Variants in SKAP1 observed in about 807,000 individuals in gnomAD.
SKAP1 encodes the protein src kinase-associated phosphoprotein 1.
In SKAP1, 44 loss-of-function variants were observed where a neutral mutation model predicts 58.5. That is an observed-to-expected ratio of 0.75 (90% CI 0.59 to 0.97). SKAP1 has a LOEUF of 0.97. Ranked by LOEUF, SKAP1 falls within the 50% of genes least tolerant of loss-of-function variation. The probability of loss-of-function intolerance (pLI) is 0.00; values close to 1 mark genes in which losing one functional copy is unlikely to be tolerated. For missense variants in SKAP1, 390 were observed against 435.2 expected, an observed-to-expected ratio of 0.90 and a Z score of 0.92; for synonymous variants, 127 against 149.7, an observed-to-expected ratio of 0.85 and a Z score of 1.11.
chr17:48,430,316 C>T (rs1254894632), upstream of SKAP1: 3 of 279,126 alleles, frequency 1.1e-5, no homozygotes, highest in Non-Finnish European at 2.0e-5. Context: ...GGGACCGGAA[C>T]GGGGCGCGGG....
chr17:48,222,042 C>A (rs889805773), intron 4 of SKAP1, among the ~76,000 whole-genome samples: 5 of 152,176 alleles, frequency 3.3e-5, no homozygotes, highest in Non-Finnish European at 5.9e-5. Context: ...TAAGCCCAGT[C>A]AACCACAACA....
chr17:48,234,396 C>T (rs917923555), intron 4 of SKAP1, among the ~76,000 whole-genome samples: 9 of 152,144 alleles, frequency 5.9e-5, no homozygotes, highest in African/African-American at 2.2e-4. Flanking sequence ...CTTATATATG[C>T]TAATGATTAT....
intron 1 of SKAP1, among the ~76,000 whole-genome samples, chr17:48,413,936 GA>G (rs2067700336): frequency 6.6e-6 from 1 of 152,138 alleles, no homozygotes; most frequent in South Asian, 2.1e-4. Flanking sequence ...ACTAGGGAGT[GA>G]ACAATACCGC....
At chr17:48,169,517 A>G (rs2143352693) in intron 10 of SKAP1, among the ~76,000 whole-genome samples, 1 of 152,338 alleles carries the variant, frequency 6.6e-6, no homozygotes, top group Middle Eastern at 3.4e-3. Flanking sequence ...AGGTACTTGC[A>G]GCTACACTCA....
upstream of SKAP1, among the ~76,000 whole-genome samples, chr17:48,430,488 T>A (rs1363416342): frequency 2.0e-5 from 3 of 152,034 alleles, no homozygotes; most frequent in African/African-American, 7.2e-5. Flanking sequence ...CACTCCATCC[T>A]AAGCACCGAA....
At chr17:48,184,613 A>T in intron 7 of SKAP1, 110 bp downstream of exon 7, 1 of 1,349,912 alleles carries the variant, frequency 7.4e-7, no homozygotes, top group Non-Finnish European at 1.1e-6. Context: ...GCATGAAATG[A>T]GCAGGTAACA....
chr17:48,174,487 A>C (rs972801260), intron 9 of SKAP1, among the ~76,000 whole-genome samples: 1 of 152,226 alleles, frequency 6.6e-6, no homozygotes, highest in Non-Finnish European at 1.5e-5. Context: ...AGATCTTTCC[A>C]TGAAACTGAA....
chr17:48,227,785 A>C (rs2065085455), intron 4 of SKAP1, among the ~76,000 whole-genome samples: 1 of 152,222 alleles, frequency 6.6e-6, no homozygotes, highest in Non-Finnish European at 1.5e-5. Context: ...GCCTGCTCTG[A>C]ATCCAGGTTC....
At chr17:48,413,246 AG>A (rs1263182839) in intron 1 of SKAP1, among the ~76,000 whole-genome samples, 2 of 151,824 alleles carry the variant, frequency 1.3e-5, no homozygotes, top group Non-Finnish European at 2.9e-5. Context: ...TGGGCGCAGT[AG>A]CTCACGCCTG....
chr17:48,256,988 G>T (rs2065430286), intron 4 of SKAP1, among the ~76,000 whole-genome samples: 1 of 152,024 alleles, frequency 6.6e-6, no homozygotes, highest in Admixed American at 6.6e-5. Flanking sequence ...GTGTTCACAT[G>T]TCTACTTGAT....
At chr17:48,168,239 G>A (rs769466807) in intron 10 of SKAP1, among the ~76,000 whole-genome samples, 1 of 152,126 alleles carries the variant, frequency 6.6e-6, no homozygotes, top group East Asian at 1.9e-4. Context: ...AGGATCCATC[G>A]AGGTTGGAGA....
intron 4 of SKAP1, among the ~76,000 whole-genome samples, chr17:48,241,026 T>C (rs2143824596): frequency 6.6e-6 from 1 of 152,298 alleles, no homozygotes; most frequent in Middle Eastern, 3.4e-3. Context: ...TGTGAGGCCA[T>C]GAGACAGCAA....
At chr17:48,186,094 A>C (rs1218422049) in intron 6 of SKAP1, 1 of 152,140 alleles carries the variant, frequency 6.6e-6, no homozygotes, top group African/African-American at 2.4e-5. Flanking sequence ...CACTTATTTA[A>C]ATGCAAAATA....
intron 11 of SKAP1, among the ~76,000 whole-genome samples, chr17:48,161,490 C>T (rs1332236328): frequency 6.6e-6 from 1 of 152,240 alleles, no homozygotes. Context: ...CATGATGCTA[C>T]TGATCCCCCA....
At chr17:48,205,037 T>TTC (rs376567367) in intron 4 of SKAP1, among the ~76,000 whole-genome samples, 9,357 of 55,376 alleles carry the variant, frequency 0.17, 1,093 homozygotes, top group African/African-American at 0.27. Context: ...CTTTCTTTCT[T>TTC]TCTCTCTCTC....
chr17:48,325,552 A>C (rs1300392770), intron 4 of SKAP1, among the ~76,000 whole-genome samples: 4 of 152,196 alleles, frequency 2.6e-5, no homozygotes, highest in Admixed American at 6.5e-5. Context: ...ATGTTGGATG[A>C]AGGTGCAGAT....
At chr17:48,404,091 A>G (rs953812117) in intron 1 of SKAP1, among the ~76,000 whole-genome samples, 2 of 91,890 alleles carry the variant, frequency 2.2e-5, no homozygotes, top group Non-Finnish European at 4.7e-5. Context: ...TCTGTCTCGG[A>G]AAAAAAAAAA....
intron 4 of SKAP1, among the ~76,000 whole-genome samples, chr17:48,245,806 T>C (rs1034421907): frequency 2.1e-4 from 32 of 152,070 alleles, no homozygotes; most frequent in Non-Finnish European, 4.7e-4. Flanking sequence ...TGAAACCCTG[T>C]CTCTACTAAA....
intron 10 of SKAP1, among the ~76,000 whole-genome samples, chr17:48,163,379 C>A (rs2143294766): frequency 6.6e-6 from 1 of 152,294 alleles, no homozygotes; most frequent in South Asian, 2.1e-4. Context: ...GGCAATGATG[C>A]CACAGGACAG....
Sources: gnomAD v4.1 joint callset for allele counts (sites outside exome capture counted in the v4.1 genomes callset) on GRCh38, gnomAD v4.1.1 for gene constraint, MANE v1.5 for transcripts, NCBI Gene and HGNC (gene_info 2026-07-23, HGNC 2026-07-21) for gene names.